LDLRAD4: variants seen among roughly 807,000 people sequenced by gnomAD.
LDLRAD4 encodes the protein low density lipoprotein receptor class A domain containing 4.
LDLRAD4 carries 5 observed loss-of-function variants against 17.0 expected under a neutral mutation model. That is an observed-to-expected ratio of 0.29 (90% CI 0.15 to 0.62). LDLRAD4 has a LOEUF of 0.62. Ranked by LOEUF, LDLRAD4 falls within the 20% of genes least tolerant of loss-of-function variation. The probability of loss-of-function intolerance (pLI) is 0.84; values close to 1 mark genes in which losing one functional copy is unlikely to be tolerated. For synonymous variants in LDLRAD4, 168 were observed against 171.8 expected, an observed-to-expected ratio of 0.98 and a Z score of 0.17; for missense variants, 340 against 424.7, an observed-to-expected ratio of 0.80 and a Z score of 1.75.
Position 13,387,531 on chromosome 18 carries a change from G to T in LDLRAD4, c.-192G>T, listed in dbSNP as rs534213962. ...GCTGACGGGAGCAGGGACCGCCGCC[G>T]CCCAGGTGCCACACCCAGGTACCGC... On this transcript the variant is annotated 5_prime_UTR_variant, in exon 2 of 6. Coordinates refer to ENST00000359446, the Ensembl canonical transcript of LDLRAD4. The T allele has an allele frequency of 7.2e-4, 394 of 548,054 alleles. 4 individuals are homozygous for T. In the East Asian group the frequency reaches 0.011, roughly 16 times the overall value. 33.9% of individuals were successfully genotyped at this position (548,054 alleles called of 1,614,324 possible). A position where few individuals can be genotyped will look rare whatever the true frequency, so the allele number is the denominator to read the frequency against.
chr18:13,341,607 C>A (rs1336534046), intron 1 of LDLRAD4, among the ~76,000 whole-genome samples: 1 of 151,952 alleles, frequency 6.6e-6, no homozygotes, highest in Non-Finnish European at 1.5e-5. Context: ...GTTTTATGTT[C>A]ATTAATTCTA....
intron 1 of LDLRAD4, among the ~76,000 whole-genome samples, chr18:13,228,514 G>A (rs569380397): frequency 1.3e-5 from 2 of 152,148 alleles, no homozygotes; most frequent in African/African-American, 2.4e-5. Context: ...TAGTGGGGAC[G>A]GGAGGCCTTC....
chr18:13,480,261 TATGAAAAGAC>T (rs2093050769), intron 3 of LDLRAD4, among the ~76,000 whole-genome samples: 1 of 152,172 alleles, frequency 6.6e-6, no homozygotes, highest in Non-Finnish European at 1.5e-5. Flanking sequence ...CTTTTCAAGC[TATGAAAAGAC>T]ATGGAGGAAA....
chr18:13,319,279 G>T (rs927198513), intron 1 of LDLRAD4, among the ~76,000 whole-genome samples: 3 of 152,144 alleles, frequency 2.0e-5, no homozygotes, highest in Non-Finnish European at 4.4e-5. Context: ...GGTATGATTC[G>T]TCCCAGTTCA....
chr18:13,460,487 G>A (rs575849350), intron 3 of LDLRAD4, among the ~76,000 whole-genome samples: 37 of 152,310 alleles, frequency 2.4e-4, no homozygotes, highest in Middle Eastern at 3.4e-3. Context: ...CCATGCACCC[G>A]TCCTTAACTG....
chr18:13,480,598 A>C (rs551219136), intron 3 of LDLRAD4, among the ~76,000 whole-genome samples: 1 of 152,262 alleles, frequency 6.6e-6, no homozygotes, highest in South Asian at 2.1e-4. Context: ...CATCAAGCGT[A>C]ATGATGCGCC....
At chr18:13,370,719 T>TTTTTGTTTGTTTG (rs2084423328) in intron 1 of LDLRAD4, among the ~76,000 whole-genome samples, 1 of 144,854 alleles carries the variant, frequency 6.9e-6, no homozygotes, top group Non-Finnish European at 1.5e-5. Flanking sequence ...TTTTGTTTTT[T>TTTTTGTTTGTTTG]TTTTTTTTTG....
At chr18:13,507,189 GT>G (rs1238333719) in intron 3 of LDLRAD4, among the ~76,000 whole-genome samples, 4 of 151,930 alleles carry the variant, frequency 2.6e-5, no homozygotes, top group Admixed American at 6.6e-5. Flanking sequence ...ATTTCAATAG[GT>G]TTTTTGGGGA....
At chr18:13,276,089 A>G (rs2044851364), upstream of LDLRAD4, among the ~76,000 whole-genome samples, 1 of 152,070 alleles carries the variant, frequency 6.6e-6, no homozygotes, top group Non-Finnish European at 1.5e-5. Context: ...GCTCACTGCA[A>G]CCTCAGCCTC....
intron 2 of LDLRAD4, among the ~76,000 whole-genome samples, chr18:13,429,949 A>G (rs574369577): frequency 6.5e-4 from 99 of 152,254 alleles, no homozygotes; most frequent in African/African-American, 2.3e-3. Context: ...AAGAGCTGGA[A>G]GGAGGCCGGT....
exon 2 of LDLRAD4, chr18:13,387,721 G>C (rs2085935843): frequency 6.2e-7 from 1 of 1,613,816 alleles, no homozygotes. Context: ...CCGGGGAGCA[G>C]TATGCCGGAA....
At position 13,577,873 on chromosome 18, in the gene LDLRAD4, C is replaced by G. The variant is rs1294595053; in HGVS notation, c.182-43244C>G. ...ACTGGAAACACCACACAGCTTTGTCCTGTAATGTTTCCTTACTCTGGAATC... is the reference window on the plus strand; with the variant it reads ...ACTGGAAACACCACACAGCTTTGTCGTGTAATGTTTCCTTACTCTGGAATC... On this transcript the variant is annotated intron_variant, in intron 3 of 5. Coordinates refer to ENST00000359446, the Ensembl canonical transcript of LDLRAD4. Among the ~76,000 whole-genome samples the G allele has an allele frequency of 3.9e-5, 6 of 152,314 alleles. No individual in the cohort carries two copies. The East Asian group carries it at 1.2e-3, about 29-fold the overall frequency.
At chr18:13,323,925 G>A (rs1382422764) in intron 1 of LDLRAD4, among the ~76,000 whole-genome samples, 2 of 11,522 alleles carry the variant, frequency 1.7e-4, no homozygotes, top group Non-Finnish European at 2.6e-3. Context: ...AATTAGCCGG[G>A]TGTGGTGTCA....
In LDLRAD4 at chr18:13,411,259, A is replaced by C. The variant is rs529723443; in HGVS notation, c.40+23497A>C. Reference sequence around the variant, plus strand: ...AGAACCAGACCCTGTCTCAAAAAAAAAAAAAAGAAAGAAAAAAAAGTGCCT... The same window carrying C: ...AGAACCAGACCCTGTCTCAAAAAAACAAAAAAGAAAGAAAAAAAAGTGCCT... On this transcript the variant is annotated intron_variant, in intron 2 of 5. Transcript: ENST00000359446. 7.3e-4 allele frequency among the ~76,000 whole-genome samples: 111 copies of C among 152,068 alleles called. 1 individual carries two copies. Among genetic ancestry groups the C allele is most frequent in the Middle Eastern group, 6.8e-3 (2 of 294 alleles).
chr18:13,486,372 A>G (rs2093223072), intron 3 of LDLRAD4: 1 of 152,270 alleles, frequency 6.6e-6, no homozygotes, highest in Non-Finnish European at 1.5e-5. Context: ...CTAAGCATAC[A>G]AACAAATAGC....
In LDLRAD4 at chr18:13,587,071, C is replaced by G. The variant is rs575775218; in HGVS notation, c.182-34046C>G. On this transcript the variant is annotated intron_variant, in intron 3 of 5. Coordinates refer to ENST00000359446, the Ensembl canonical transcript of LDLRAD4. ...CATTTTCTTTTTGGAGGTTTCCACTCTTGAAACACCACCGCTTCCTTGGGT... is the reference window on the plus strand; with the variant it reads ...CATTTTCTTTTTGGAGGTTTCCACTGTTGAAACACCACCGCTTCCTTGGGT... Among the ~76,000 whole-genome samples, 10 of 152,240 alleles carry G rather than the reference C, an allele frequency of 6.6e-5. No individual in the cohort carries two copies. The South Asian group carries it at 1.9e-3, about 28-fold the overall frequency.
intron 3 of LDLRAD4, among the ~76,000 whole-genome samples, chr18:13,465,338 G>A (rs191559792): frequency 4.6e-5 from 7 of 152,172 alleles, no homozygotes; most frequent in Non-Finnish European, 1.0e-4. Flanking sequence ...TTCAAGTTCT[G>A]TTAGTATATT....
chr18:13,458,412 G>A (rs2092260558), intron 3 of LDLRAD4, among the ~76,000 whole-genome samples: 1 of 152,216 alleles, frequency 6.6e-6, no homozygotes, highest in African/African-American at 2.4e-5. Flanking sequence ...CATCCTGGGT[G>A]TCCTGCCTGA....
chr18:13,447,129 GC>G (rs1194891446), intron 3 of LDLRAD4, among the ~76,000 whole-genome samples: 1 of 90,986 alleles, frequency 1.1e-5, no homozygotes, highest in African/African-American at 4.1e-5. Flanking sequence ...CTCCCCGCCC[GC>G]CCCCCCTTTT....
Sources: allele counts gnomAD v4.1 joint callset (sites outside exome capture counted in the v4.1 genomes callset), GRCh38; gene constraint gnomAD v4.1.1; transcripts MANE v1.5; gene names NCBI Gene and HGNC (gene_info 2026-07-23, HGNC 2026-07-21).